TMEM132D: variants seen among roughly 807,000 people sequenced by gnomAD.
The protein encoded by TMEM132D is transmembrane protein 132D.
A neutral mutation model predicts 62.3 loss-of-function variants in TMEM132D; 21 were observed. The ratio of observed to expected loss-of-function variants is 0.34; its 90% CI spans 0.24 to 0.49. The LOEUF is 0.49. Ranked by LOEUF, TMEM132D falls within the 20% of genes least tolerant of loss-of-function variation. TMEM132D has a pLI of 0.99. For missense variants in TMEM132D, 1,346 were observed against 1,402.8 expected, an observed-to-expected ratio of 0.96 and a Z score of 0.65; for synonymous variants, 621 against 575.6, an observed-to-expected ratio of 1.08 and a Z score of -1.13.
chr12:129,686,745 A>C (rs1302982298), intron 2 of TMEM132D, among the ~76,000 whole-genome samples: 1 of 152,182 alleles, frequency 6.6e-6, no homozygotes, highest in Non-Finnish European at 1.5e-5. Flanking sequence ...AGCCAGTAAC[A>C]CTATTTATGT....
intron 5 of TMEM132D, among the ~76,000 whole-genome samples, chr12:129,138,976 T>C (rs1876662450): frequency 6.6e-6 from 1 of 152,142 alleles, no homozygotes; most frequent in Non-Finnish European, 1.5e-5. Flanking sequence ...CATCCTGACT[T>C]TCAGCTCTGG....
chr12:129,149,420 C>G (rs1385486155), intron 5 of TMEM132D, among the ~76,000 whole-genome samples: 1 of 152,132 alleles, frequency 6.6e-6, no homozygotes, highest in Non-Finnish European at 1.5e-5. Context: ...AAAAGTAGAG[C>G]TCAAGGCTTT....
intron 4 of TMEM132D, among the ~76,000 whole-genome samples, chr12:129,281,418 CTT>C (rs71433359): frequency 0.035 from 3,711 of 106,788 alleles, 65 homozygotes; most frequent in Admixed American, 0.066. Flanking sequence ...TAAATAAATT[CTT>C]TTTTTTTTAA....
At chr12:129,554,401 A>C (rs1876993165) in intron 2 of TMEM132D, among the ~76,000 whole-genome samples, 1 of 152,160 alleles carries the variant, frequency 6.6e-6, no homozygotes, top group Non-Finnish European at 1.5e-5. Flanking sequence ...GCCATCTGCA[A>C]GTGGAAGAGA....
At chr12:129,782,702 T>A (rs61943426) in intron 1 of TMEM132D, among the ~76,000 whole-genome samples, 9,046 of 152,158 alleles carry the variant, frequency 0.059, 312 homozygotes, top group East Asian at 0.1. Context: ...TAAATCCAGG[T>A]AAGTCTGATA....
Position 129,569,971 on chromosome 12 carries a change from A to C in TMEM132D, c.969-38766T>G, listed in dbSNP as rs538522238. Among the ~76,000 whole-genome samples the C allele has an allele frequency of 2.9e-4, 44 of 152,288 alleles. 1 individual carries two copies. In the South Asian group the frequency reaches 8.3e-3, roughly 29 times the overall value. On this transcript the variant is annotated intron_variant, in intron 2 of 8. Transcript: ENST00000422113. ...ACAGTGGGTGTGTGATTTTTGCTGA[A>C]TGGCAAATAAAGCCAGCTGTTTCTT... is the stretch of plus-strand genomic sequence containing the variant.
intron 4 of TMEM132D, among the ~76,000 whole-genome samples, chr12:129,220,844 A>AT (rs886404032): frequency 2.0e-5 from 3 of 150,988 alleles, no homozygotes; most frequent in Admixed American, 1.3e-4. Flanking sequence ...GTATAAAAAG[A>AT]TTTTTTTCCT....
intron 2 of TMEM132D, among the ~76,000 whole-genome samples, chr12:129,678,609 T>G (rs1403062855): frequency 6.6e-6 from 1 of 152,134 alleles, no homozygotes; most frequent in African/African-American, 2.4e-5. Context: ...GGTTTGTCTT[T>G]GATTTAAAAA....
chr12:129,198,710 C>G (rs909814838), intron 5 of TMEM132D, among the ~76,000 whole-genome samples: 1 of 152,172 alleles, frequency 6.6e-6, no homozygotes, highest in Non-Finnish European at 1.5e-5. Context: ...TTTTAAAAAT[C>G]TATCTCACAG....
chr12:129,295,427 C>CTTTT (rs556748373), intron 4 of TMEM132D, among the ~76,000 whole-genome samples: 18 of 123,022 alleles, frequency 1.5e-4, no homozygotes, highest in South Asian at 2.9e-4. Flanking sequence ...TCATATTAGC[C>CTTTT]TTTTTTTTTT....
At chr12:129,239,458 A>T (rs771527708) in intron 4 of TMEM132D, among the ~76,000 whole-genome samples, 3 of 152,194 alleles carry the variant, frequency 2.0e-5, no homozygotes, top group African/African-American at 7.2e-5. Flanking sequence ...CCATTTGTTG[A>T]TGAAATGACT....
chr12:129,401,862 G>A (rs1260260614), intron 3 of TMEM132D, among the ~76,000 whole-genome samples: 2 of 152,116 alleles, frequency 1.3e-5, no homozygotes, highest in South Asian at 2.1e-4. Flanking sequence ...GGAGGTGTTC[G>A]ATAACGTGTA....
intron 2 of TMEM132D, among the ~76,000 whole-genome samples, chr12:129,554,102 T>A (rs1876981476): frequency 6.6e-6 from 1 of 152,120 alleles, no homozygotes; most frequent in Non-Finnish European, 1.5e-5. Context: ...TACTCCCCCC[T>A]GTGTGATTAT....
At chr12:129,902,416 C>A (rs1467382129) in intron 1 of TMEM132D, among the ~76,000 whole-genome samples, 1 of 152,192 alleles carries the variant, frequency 6.6e-6, no homozygotes, top group African/African-American at 2.4e-5. Flanking sequence ...CAGCCCAGGT[C>A]AATCATGAGA....
At chr12:129,640,773 T>A (rs1332297786) in intron 2 of TMEM132D, among the ~76,000 whole-genome samples, 1 of 152,050 alleles carries the variant, frequency 6.6e-6, no homozygotes, top group African/African-American at 2.4e-5. Context: ...GATGGGTGAG[T>A]GAGTGAAGCT....
intron 3 of TMEM132D, among the ~76,000 whole-genome samples, chr12:129,487,618 G>T (rs1288896928): frequency 6.6e-6 from 1 of 151,956 alleles, no homozygotes; most frequent in East Asian, 2.0e-4. Context: ...ATCTTAAGAG[G>T]TGGGGCCTTT....
intron 4 of TMEM132D, among the ~76,000 whole-genome samples, chr12:129,239,099 C>T (rs1342276885): frequency 6.7e-6 from 1 of 149,470 alleles, no homozygotes; most frequent in Non-Finnish European, 1.5e-5. Flanking sequence ...TGTTGACCAT[C>T]TTTTCACGTG....
chr12:129,871,098 G>A (rs1874225993), intron 1 of TMEM132D, among the ~76,000 whole-genome samples: 1 of 152,130 alleles, frequency 6.6e-6, no homozygotes, highest in African/African-American at 2.4e-5. Flanking sequence ...TGCTGACTGA[G>A]GGGTAGCAGA....
Position 129,699,760 on chromosome 12 carries a change from C to T in TMEM132D, c.968+50G>A, listed in dbSNP as rs116569149. 1.4e-3 allele frequency: 2,285 copies of T among 1,587,662 alleles called. 44 individuals are homozygous for T. In the African/African-American group the frequency reaches 0.028, roughly 19 times the overall value. ...TTCTGGTCAAACAGCTTCTGGAAAA[C>T]ACCACCTGATCGACGGGCGGGTACA... On this transcript the variant is annotated intron_variant, in intron 2 of 8. Coordinates refer to ENST00000422113, the MANE Select transcript of TMEM132D (RefSeq NM_133448.3).
Sources: gnomAD v4.1 joint callset for allele counts (sites outside exome capture counted in the v4.1 genomes callset) on GRCh38, gnomAD v4.1.1 for gene constraint, MANE v1.5 for transcripts, NCBI Gene and HGNC (gene_info 2026-07-23, HGNC 2026-07-21) for gene names.